The following C11orf65 variants were observed in gnomAD, a reference collection of about 807,000 sequenced individuals.
The protein encoded by C11orf65 is chromosome 11 open reading frame 65, also known as protein MFI.
C11orf65 carries 38 observed loss-of-function variants against 35.3 expected under a neutral mutation model. The observed-to-expected ratio is 1.08, with a 90% CI of 0.83 to 1.41. C11orf65 has a LOEUF of 1.41. C11orf65 is among the 40% of genes most tolerant of loss of function. The pLI, the probability that C11orf65 is intolerant of heterozygous loss-of-function variation, is 0.00. For missense variants in C11orf65, 370 were observed against 367.1 expected (o/e 1.01, Z -0.06); for synonymous variants, 105 against 114.4 (o/e 0.92, Z 0.53).
chr11:108,406,133 C>T (rs962855448), intron 5 of C11orf65, among the ~76,000 whole-genome samples: 3 of 152,156 alleles, frequency 2.0e-5, no homozygotes, highest in African/African-American at 7.2e-5. Context: ...CCACACTGTA[C>T]TGAAATATCC....
At chr11:108,389,616 C>A (rs2092098736) in intron 7 of C11orf65, among the ~76,000 whole-genome samples, 1 of 152,092 alleles carries the variant, frequency 6.6e-6, no homozygotes, top group Non-Finnish European at 1.5e-5. Flanking sequence ...GTATATCCAT[C>A]CCACTCCTAT....
At chr11:108,398,887 A>T (rs760312198) in intron 6 of C11orf65, among the ~76,000 whole-genome samples, 10 of 152,218 alleles carry the variant, frequency 6.6e-5, no homozygotes, top group Non-Finnish European at 1.3e-4. Flanking sequence ...AATATCCAGA[A>T]TATTTGTCTA....
At chr11:108,403,750 A>AT (rs1467339819) in intron 6 of C11orf65, among the ~76,000 whole-genome samples, 1 of 152,138 alleles carries the variant, frequency 6.6e-6, no homozygotes, top group African/African-American at 2.4e-5. Context: ...TGAAAAGACT[A>AT]TTTTTTCCCA....
At chr11:108,329,196 A>G (rs758614348), downstream of C11orf65, 2 of 1,614,090 alleles carry the variant, frequency 1.2e-6, no homozygotes, top group Non-Finnish European at 1.7e-6. Flanking sequence ...AGAGCCAAAG[A>G]GGAAGTAGGT....
downstream of C11orf65, among the ~76,000 whole-genome samples, chr11:108,378,996 T>C (rs11212602): frequency 0.059 from 8,923 of 152,090 alleles, 856 homozygotes; most frequent in African/African-American, 0.2. Flanking sequence ...GGAGAGGATG[T>C]GGAGAAATAG....
In C11orf65 at chr11:108,332,040, A is replaced by T. The variant is rs869312788; in HGVS notation, c.300-473T>A. The T allele has an allele frequency of 6.2e-7, 1 of 1,613,522 alleles. No homozygotes were observed. The highest frequency in any genetic ancestry group is 8.5e-7 in the Non-Finnish European group (1 of 1,179,640). On this transcript the variant is annotated intron_variant, in intron 3 of 3. Coordinates refer to the C11orf65 transcript ENST00000524755. The stretch of plus-strand genomic sequence containing the variant: ...AACAAAGCTCTCAGCTTGATGAGGT[A>T]TTTGGATTAAACATACGTACCTTTT...
intron 3 of C11orf65, chr11:108,335,172 TTTTC>T: frequency 6.2e-7 from 1 of 1,610,288 alleles, no homozygotes; most frequent in Non-Finnish European, 8.5e-7. Flanking sequence ...TTAGTTCATA[TTTTC>T]TTTCTGCTTT....
chr11:108,349,852 A>T (rs1394720530), intron 2 of C11orf65, among the ~76,000 whole-genome samples: 2 of 152,194 alleles, frequency 1.3e-5, no homozygotes, highest in African/African-American at 2.4e-5. Flanking sequence ...GAAATCATAA[A>T]GTACGTGAGT....
downstream of C11orf65, chr11:108,330,505 T>G (rs573591490): frequency 7.8e-4 from 1,062 of 1,357,644 alleles, 1 homozygote; most frequent in Non-Finnish European, 8.7e-4. Context: ...CGTGTATACC[T>G]CTTTGTATTC....
downstream of C11orf65, among the ~76,000 whole-genome samples, chr11:108,378,169 G>T (rs148211500): frequency 8.1e-3 from 1,215 of 149,474 alleles, 9 homozygotes; most frequent in African/African-American, 0.026. Context: ...GCCCGCATCG[G>T]CAAGTCAATC....
intron 2 of C11orf65, chr11:108,355,722 A>G (rs2089828591): frequency 6.6e-6 from 1 of 152,254 alleles, no homozygotes; most frequent in Non-Finnish European, 1.5e-5. Context: ...CCAGGTTTCT[A>G]GAGATGGGGC....
Position 108,410,959 on chromosome 11 carries a change from T to C in C11orf65, c.175-3810A>G, listed in dbSNP as rs1014567032. Among the ~76,000 whole-genome samples the C allele has an allele frequency of 3.9e-5, 6 of 152,114 alleles. No individual in the cohort carries two copies. In the South Asian group the frequency reaches 1.2e-3, roughly 32 times the overall value. ...CTCCTGACCTCATGATCCCCCTGCC[T>C]TGGCCTCCCAAACTGCTGGTATTAC... On this transcript the variant is annotated intron_variant, in intron 3 of 8. Coordinates refer to ENST00000393084, the MANE Select transcript of C11orf65 (RefSeq NM_152587.5).
chr11:108,457,783 T>C (rs912303092), intron 2 of C11orf65, among the ~76,000 whole-genome samples: 24 of 152,204 alleles, frequency 1.6e-4, no homozygotes, highest in African/African-American at 4.3e-4. Flanking sequence ...TTAAAATATT[T>C]AATTTTTTAA....
intron 6 of C11orf65, chr11:108,326,235 T>C: frequency 6.2e-7 from 1 of 1,614,138 alleles, no homozygotes; most frequent in Non-Finnish European, 8.5e-7. Context: ...GGTTTGTTTT[T>C]TTTATTGGCT....
At chr11:108,343,482 T>C (rs1206595440) in intron 2 of C11orf65, 2 of 1,299,538 alleles carry the variant, frequency 1.5e-6, no homozygotes, top group Non-Finnish European at 2.2e-6. Flanking sequence ...CATCAGGTAA[T>C]TGTCAAAGAT....
chr11:108,449,778 T>C (rs1156532443), intron 2 of C11orf65, among the ~76,000 whole-genome samples: 3 of 151,802 alleles, frequency 2.0e-5, no homozygotes, highest in Non-Finnish European at 4.4e-5. Flanking sequence ...AAGCCAAAAT[T>C]GACAAATGGG....
intron 2 of C11orf65, chr11:108,367,690 A>T (rs1013736471): frequency 4.7e-6 from 1 of 214,960 alleles, no homozygotes; most frequent in African/African-American, 2.3e-5. Flanking sequence ...AATGGCAGGC[A>T]CTCATTCATA....
rs1282378680 is a variant in C11orf65, at chr11:108,393,333, A to G, written c.606T>C (p.Thr202=). 2 of 1,613,970 alleles carry G rather than the reference A, an allele frequency of 1.2e-6. No homozygotes were observed. The highest frequency in any genetic ancestry group is 1.7e-5 in the Admixed American group (1 of 59,990). Residue 202 remains threonine (T), a synonymous_variant, in exon 7 of 9, where the codon ACT becomes ACC. Transcript: ENST00000393084. ...TTGTTGCAGTGTGAATTAGTCCTAGAGTTTCATGATGTGTTGACTTAGCCT... is the reference window on the plus strand; with the variant it reads ...TTGTTGCAGTGTGAATTAGTCCTAGGGTTTCATGATGTGTTGACTTAGCCT... ...SLEAKSTHHE[T]LGLIHTATKG...
chr11:108,332,305 A>C (rs1043701050), intron 3 of C11orf65, among the ~76,000 whole-genome samples: 59 of 152,102 alleles, frequency 3.9e-4, no homozygotes, highest in African/African-American at 1.4e-3. Flanking sequence ...GGTGGTGGGC[A>C]CCTGTAGTCC....
Sources: gnomAD v4.1 joint callset for allele counts (sites outside exome capture counted in the v4.1 genomes callset) on GRCh38, gnomAD v4.1.1 for gene constraint, MANE v1.5 for transcripts, NCBI Gene and HGNC (gene_info 2026-07-23, HGNC 2026-07-21) for gene names.